USP49: variants seen among roughly 807,000 people sequenced by gnomAD.
USP49 encodes ubiquitin specific peptidase 49.
Under a neutral mutation model 58.6 loss-of-function variants are expected in USP49, and 24 were observed. The ratio of observed to expected loss-of-function variants is 0.41; its 90% CI spans 0.30 to 0.58. The LOEUF is 0.58. Among genes scored for constraint, USP49 ranks in the 20% least tolerant of loss-of-function variants. The pLI is 0.30. For missense variants in USP49, 703 were observed against 866.1 expected (o/e 0.81, Z 2.36); for synonymous variants, 408 against 365.1 (o/e 1.12, Z -1.34).
chr6:41,798,775 TC>T lies in USP49; in HGVS notation c.1824del (p.Phe611LeufsTer26). ...YDLSAVVMHH[G>X]KGFGSGHYTA... ...GTGTAGTGTCCTGAGCCAAACCCTT[TC>T]CCGTGATGCATGACCACTGCGGAGA... On this transcript the variant is annotated frameshift_variant, in exon 7 of 8. Transcript: ENST00000682992. LOFTEE classifies it high-confidence loss of function. The T allele has an allele frequency of 6.2e-7, 1 of 1,613,998 alleles. No individual in the cohort carries two copies. The highest frequency in any genetic ancestry group is 2.2e-5 in the East Asian group (1 of 44,872).
intron 3 of USP49, among the ~76,000 whole-genome samples, chr6:41,840,613 A>G (rs2488338): frequency 0.44 from 67,446 of 151,732 alleles, 15,248 homozygotes; most frequent in Middle Eastern, 0.51. Flanking sequence ...TTACAGGGTT[A>G]GGCTTGACTT....
intron 3 of USP49, among the ~76,000 whole-genome samples, chr6:41,829,595 G>A (rs1193950493): frequency 6.6e-6 from 1 of 152,208 alleles, no homozygotes; most frequent in Non-Finnish European, 1.5e-5. Context: ...TTACAGGCGT[G>A]AGCCACCGCG....
rs1772795182 is a variant in USP49, at chr6:41,791,354, TC to T, written c.*5178del. 6.6e-6 allele frequency: 1 copy of T among 152,194 alleles called. No homozygotes were observed. The highest frequency in any genetic ancestry group is 2.4e-5 in the African/African-American group (1 of 41,446). The allele number at this position is 152,194 out of a possible 1,614,324, so 9.4% of individuals were successfully genotyped here. A position where few individuals can be genotyped will look rare whatever the true frequency, so the allele number is the denominator to read the frequency against. On this transcript the variant is annotated 3_prime_UTR_variant, in exon 8 of 8. Coordinates refer to ENST00000682992, the MANE Select transcript of USP49 (RefSeq NM_001286554.2). ...TTGAGCTCCTGGCCTCAAGCAATCC[TC>T]CCACCTTGGCCTCCCAAAGTGTTGG...
At chr6:41,837,654 C>A (rs1021878676) in intron 3 of USP49, among the ~76,000 whole-genome samples, 3 of 152,166 alleles carry the variant, frequency 2.0e-5, no homozygotes, top group African/African-American at 7.2e-5. Flanking sequence ...CAAAACCTAT[C>A]AGCAGAGTGA....
In USP49 at chr6:41,795,908, A is replaced by T. The variant is rs995256877; in HGVS notation, c.*625T>A. On this transcript the variant is annotated 3_prime_UTR_variant, in exon 8 of 8. Coordinates refer to ENST00000682992, the MANE Select transcript of USP49 (RefSeq NM_001286554.2). ...TATGACAGCAGCAAGTAGGGAGGGT[A>T]TGACATATGAAAACCATCCCACTTT... is the stretch of plus-strand genomic sequence containing the variant. The T allele has an allele frequency of 2.6e-5, 4 of 152,242 alleles. No homozygotes were observed. Among genetic ancestry groups the T allele is most frequent in the Admixed American group, 6.5e-5 (1 of 15,276 alleles). The allele number at this position is 152,242 out of a possible 1,614,324, so 9.4% of individuals were successfully genotyped here. A position where few individuals can be genotyped will look rare whatever the true frequency, so the allele number is the denominator to read the frequency against.
chr6:41,856,236 G>T (rs1364116120), intron 3 of USP49, among the ~76,000 whole-genome samples: 3 of 151,632 alleles, frequency 2.0e-5, no homozygotes, highest in African/African-American at 7.3e-5. Flanking sequence ...TTAGCCAGGC[G>T]TGGTGGCGGG....
At chr6:41,834,598 G>A (rs994812105) in intron 3 of USP49, among the ~76,000 whole-genome samples, 14 of 152,146 alleles carry the variant, frequency 9.2e-5, no homozygotes, top group African/African-American at 3.4e-4. Context: ...AGCTGTTCTT[G>A]TGATAGTGTG....
chr6:41,836,859 A>G (rs201108823), intron 3 of USP49, among the ~76,000 whole-genome samples: 22 of 145,910 alleles, frequency 1.5e-4, no homozygotes, highest in South Asian at 1.0e-3. Context: ...ACACACACGC[A>G]CACACACACA....
intron 2 of USP49, among the ~76,000 whole-genome samples, chr6:41,888,721 G>A (rs532011256): frequency 1.2e-4 from 18 of 152,032 alleles, no homozygotes; most frequent in African/African-American, 4.1e-4. Context: ...CCAAAGGGCT[G>A]GGATTACAGG....
chr6:41,880,277 TA>T (rs1166394818), intron 2 of USP49, among the ~76,000 whole-genome samples: 1 of 151,696 alleles, frequency 6.6e-6, no homozygotes, highest in Non-Finnish European at 1.5e-5. Context: ...AAAGGAAAAT[TA>T]AAGGACTCAT....
At chr6:41,856,241 G>A (rs571510674) in intron 3 of USP49, among the ~76,000 whole-genome samples, 1 of 152,008 alleles carries the variant, frequency 6.6e-6, no homozygotes, top group African/African-American at 2.4e-5. Context: ...CAGGCGTGGT[G>A]GCGGGCGCCT....
intron 5 of USP49, among the ~76,000 whole-genome samples, chr6:41,801,604 T>C (rs1190034159): frequency 2.6e-5 from 4 of 152,248 alleles, no homozygotes; most frequent in Non-Finnish European, 5.9e-5. Flanking sequence ...TGGCAGTGAC[T>C]GCCACCTTCA....
intron 3 of USP49, among the ~76,000 whole-genome samples, chr6:41,816,897 G>A (rs1267292450): frequency 1.3e-5 from 2 of 151,388 alleles, no homozygotes; most frequent in Non-Finnish European, 2.9e-5. Context: ...GTGGAGATGG[G>A]GTTTTGCCAT....
chr6:41,881,451 G>A lies in USP49; in HGVS notation c.-102-9814C>T, dbSNP rs182016170. On this transcript the variant is annotated intron_variant, in intron 2 of 7. Transcript: ENST00000682992. ...AAAAACTAAATTCAAAAAGATTCTT[G>A]GAAAGGTTAAAATAAATGTTTTAAA... 6.4e-3 allele frequency among the ~76,000 whole-genome samples: 966 copies of A among 151,682 alleles called. 9 individuals are homozygous for A. Among genetic ancestry groups the A allele is most frequent in the African/African-American group, 0.02 (844 of 41,362 alleles).
At chr6:41,864,389 C>T (rs1169893270) in intron 3 of USP49, among the ~76,000 whole-genome samples, 2 of 151,754 alleles carry the variant, frequency 1.3e-5, no homozygotes, top group African/African-American at 4.9e-5. Flanking sequence ...ATGGTGAAAC[C>T]CTGTCTCTAC....
rs373541460 is a variant in USP49 at position 41,805,937 on chromosome 6, C to T, written c.1047G>A (p.Glu349=). The change falls in exon 4 of 8, where the codon GAG becomes GAA. Residue 349 remains glutamate, a synonymous_variant. Coordinates refer to ENST00000682992, the MANE Select transcript of USP49 (RefSeq NM_001286554.2). The part of the protein sequence containing the change: ...SRSLELIQNK[E]PSSKHISLCR... ...AGAGGGAAATGTGCTTTGAACTCGG[C>T]TCCTTGTTCTGGATGAGCTCCAGAC... 5 of 1,613,964 alleles carry T rather than the reference C, an allele frequency of 3.1e-6. No individual in the cohort carries two copies. Among genetic ancestry groups the T allele is most frequent in the Middle Eastern group, 1.6e-4 (1 of 6,062 alleles).
chr6:41,835,972 G>A (rs991640144), intron 3 of USP49, among the ~76,000 whole-genome samples: 1 of 152,048 alleles, frequency 6.6e-6, no homozygotes, highest in Admixed American at 6.6e-5. Context: ...TAGCTACTCA[G>A]GAGGCTGAGG....
chr6:41,888,220 A>C (rs1561928231), intron 2 of USP49, among the ~76,000 whole-genome samples: 1 of 151,714 alleles, frequency 6.6e-6, no homozygotes, highest in Non-Finnish European at 1.5e-5. Context: ...ATGCCCAGCT[A>C]ATTTTTGTAT....
chr6:41,887,682 C>T (rs1774737602), intron 2 of USP49, among the ~76,000 whole-genome samples: 1 of 152,176 alleles, frequency 6.6e-6, no homozygotes, highest in African/African-American at 2.4e-5. Context: ...ACATCTGCCC[C>T]CAATCATTTG....
Sources: allele counts gnomAD v4.1 joint callset (sites outside exome capture counted in the v4.1 genomes callset), GRCh38; gene constraint gnomAD v4.1.1; transcripts MANE v1.5; gene names NCBI Gene and HGNC (gene_info 2026-07-23, HGNC 2026-07-21).